Variants in SUPT6H observed in about 807,000 individuals in gnomAD.
The protein encoded by SUPT6H is transcription elongation factor SPT6.
A neutral mutation model predicts 222.3 loss-of-function variants in SUPT6H; 11 were observed. The observed-to-expected ratio is 0.05, with a 90% confidence interval of 0.03 to 0.08. SUPT6H has a LOEUF of 0.08. SUPT6H is among the 10% of genes least tolerant of loss of function. The pLI, the probability that SUPT6H is intolerant of heterozygous loss-of-function variation, is 1.00. For missense variants in SUPT6H, 1,422 were observed against 2,216.0 expected, an observed-to-expected ratio of 0.64 and a Z score of 7.19; for synonymous variants, 762 against 801.2, an observed-to-expected ratio of 0.95 and a Z score of 0.83.
intron 27 of SUPT6H, among the ~76,000 whole-genome samples, chr17:28,693,340 A>C (rs1357989298): frequency 6.6e-6 from 1 of 152,100 alleles, no homozygotes; most frequent in Non-Finnish European, 1.5e-5. Flanking sequence ...GCACGCCTGT[A>C]ATCCCACCTA....
intron 1 of SUPT6H, among the ~76,000 whole-genome samples, chr17:28,663,827 C>CCTTTTTTTTTTTTTTTT (rs1567681347): frequency 1.5e-3 from 13 of 8,410 alleles, no homozygotes; most frequent in East Asian, 5.1e-3. Context: ...CTGCCCACTC[C>CCTTTTTTTTTTTTTTTT]ATTTTTTTTT....
Position 28,673,366 on chromosome 17 carries a change from C to A in SUPT6H, c.-31-5C>A. 2 of 1,531,398 alleles carry A rather than the reference C, an allele frequency of 1.3e-6. No homozygotes were observed. The highest frequency in any genetic ancestry group is 9.0e-7 in the Non-Finnish European group (1 of 1,106,276). 94.9% of individuals were successfully genotyped at this position (1,531,398 alleles called of 1,614,324 possible). A position where few individuals can be genotyped will look rare whatever the true frequency, so the allele number is the denominator to read the frequency against. ...TTTTTATCCTTCACTCTTTTCTTTC[C>A]CTAGTTATCTTCAGGCAGAGTGAGA... is the stretch of plus-strand genomic sequence containing the variant. On this transcript the variant is annotated splice_region_variant and splice_polypyrimidine_tract_variant and intron_variant, in intron 1 of 36. Coordinates refer to ENST00000314616, the MANE Select transcript of SUPT6H (RefSeq NM_003170.5).
At chr17:28,685,004 T>C in intron 19 of SUPT6H, 43 bp downstream of exon 19, 1 of 1,552,984 alleles carries the variant, frequency 6.4e-7, no homozygotes, top group South Asian at 1.1e-5. Flanking sequence ...ATCTGGAGTA[T>C]GTCTTATGAT....
intron 11 of SUPT6H, among the ~76,000 whole-genome samples, chr17:28,680,760 G>A (rs1231741977): frequency 6.6e-6 from 1 of 152,116 alleles, no homozygotes; most frequent in African/African-American, 2.4e-5. Context: ...CATACCATCT[G>A]CCTCAGCCTC....
At chr17:28,701,303 T>C in intron 36 of SUPT6H, 136 bp from the exon 37 acceptor site, 1 of 1,380,642 alleles carries the variant, frequency 7.2e-7, no homozygotes, top group Non-Finnish European at 9.8e-7. Context: ...GGCAGCCAGC[T>C]GCTGCTGTAT....
chr17:28,664,063 A>G (rs1025702946), intron 1 of SUPT6H, among the ~76,000 whole-genome samples: 2 of 151,680 alleles, frequency 1.3e-5, no homozygotes, highest in African/African-American at 2.4e-5. Flanking sequence ...TTGTTCTCAT[A>G]TTCCTCTGTC....
intron 12 of SUPT6H, 84 bp from the exon 13 acceptor site, chr17:28,681,798 C>A: frequency 8.0e-7 from 1 of 1,246,526 alleles, no homozygotes; most frequent in Non-Finnish European, 1.1e-6. Flanking sequence ...GCTGGGTACC[C>A]TTTGAGGCTT....
chr17:28,698,133 C>T, intron 32 of SUPT6H, 103 bp downstream of exon 32: 5 of 1,421,146 alleles, frequency 3.5e-6, no homozygotes, highest in Non-Finnish European at 4.7e-6. Flanking sequence ...GCTGGACTGC[C>T]TTTCTCCTCT....
rs139470748 is a variant in SUPT6H, at chr17:28,686,289, A to G, written c.2488-50A>G. Reference sequence around the variant, plus strand: ...CAACATAGGGAGACAGAATTTCCTGAAATCTTTACATCCTCAGAGCCATTC... The same window carrying G: ...CAACATAGGGAGACAGAATTTCCTGGAATCTTTACATCCTCAGAGCCATTC... On this transcript the variant is annotated intron_variant, in intron 19 of 36. Coordinates refer to ENST00000314616, the MANE Select transcript of SUPT6H (RefSeq NM_003170.5). The G allele has an allele frequency of 3.6e-4, 557 of 1,546,012 alleles. 5 individuals are homozygous for G. The African/African-American group carries it at 5.2e-3, about 14-fold the overall frequency.
At chr17:28,685,429 A>C (rs1464614730) in intron 19 of SUPT6H, among the ~76,000 whole-genome samples, 1 of 151,684 alleles carries the variant, frequency 6.6e-6, no homozygotes, top group Non-Finnish European at 1.5e-5. Flanking sequence ...TCTTGAAAGA[A>C]AAACTTCTTA....
chr17:28,675,137 G>C lies in SUPT6H; in HGVS notation c.513G>C (p.Glu171Asp), dbSNP rs766056036. The change falls in exon 5 of 37, where the codon GAG (glutamate) becomes GAC (aspartate). Residue 171 changes from glutamate to aspartate, a missense_variant. Around this residue, in one of 13 missense-constraint regions of SUPT6H, gnomAD observed 389 missense variants for 544.6 expected, o/e 0.71. Transcript: ENST00000314616. The stretch of plus-strand genomic sequence containing the variant: ...AGGCCCCCATGGCTCCTCCAGAGGA[G>C]GAGGAAGAAGATGATGAGGAGTCAG... Reference protein sequence around the residue: ...AMEAPMAPPEEEEEDDEESDI... With the variant: ...AMEAPMAPPEDEEEDDEESDI... 4 of 1,611,556 alleles carry C rather than the reference G, an allele frequency of 2.5e-6. No homozygotes were observed.
In SUPT6H at chr17:28,678,940, T is replaced by A; in HGVS notation, c.1326T>A (p.Ala442=). The change falls in exon 11 of 37, where the codon GCT becomes GCA. Residue 442 remains alanine, a synonymous_variant. Transcript: ENST00000314616. ...PDKPLADGIR[A]LDTTDMERLK... Reference sequence around the variant, plus strand: ...AACCTCTTGCTGATGGCATCCGGGCTCTGGACACCACTGACATGGAGAGGT... The same window carrying A: ...AACCTCTTGCTGATGGCATCCGGGCACTGGACACCACTGACATGGAGAGGT... 1 of 1,614,228 alleles carries A rather than the reference T, an allele frequency of 6.2e-7. No individual in the cohort carries two copies. The highest frequency in any genetic ancestry group is 8.5e-7 in the Non-Finnish European group (1 of 1,180,044).
rs961879381 is a variant in SUPT6H, at chr17:28,700,836, C to A, written c.4807-105C>A. ...CAGAAGCACATACTCAGTGGAAGATCATCTGGAAAGCTTTGCTGAGCCCAC... is the reference window on the plus strand; with the variant it reads ...CAGAAGCACATACTCAGTGGAAGATAATCTGGAAAGCTTTGCTGAGCCCAC... On this transcript the variant is annotated intron_variant, in intron 35 of 36. Coordinates refer to ENST00000314616, the MANE Select transcript of SUPT6H (RefSeq NM_003170.5). 12 of 1,355,804 alleles carry A rather than the reference C, an allele frequency of 8.9e-6. No individual in the cohort carries two copies. In the African/African-American group the frequency reaches 1.0e-4, roughly 11 times the overall value. The allele number at this position is 1,355,804 out of a possible 1,614,324, so 84.0% of individuals were successfully genotyped here. A position where few individuals can be genotyped will look rare whatever the true frequency, so the allele number is the denominator to read the frequency against.
intron 3 of SUPT6H, 44 bp from the exon 4 acceptor site, chr17:28,674,493 A>C (rs779983721): frequency 3.1e-6 from 5 of 1,613,876 alleles, no homozygotes; most frequent in Admixed American, 1.7e-5. Context: ...GTTGCAGTGG[A>C]AAAGGGCAAC....
chr17:28,693,215 C>CT (rs2031753500), intron 27 of SUPT6H, among the ~76,000 whole-genome samples: 1 of 151,954 alleles, frequency 6.6e-6, no homozygotes, highest in Admixed American at 6.6e-5. Flanking sequence ...AATCCCAGCA[C>CT]TTTGGGAGGC....
intron 27 of SUPT6H, 141 bp from the exon 28 acceptor site, chr17:28,693,555 G>A (rs183416667): frequency 1.0e-6 from 1 of 1,002,150 alleles, no homozygotes; most frequent in African/African-American, 1.6e-5. Flanking sequence ...TGTCTTGGCA[G>A]ATGACTAAGT....
rs756730841 is a variant in SUPT6H at position 28,674,290 on chromosome 17, G to A, written c.117G>A (p.Glu39=). ...KFVEEEDDDE[E]EEEENLDDQD... ...AACATGCATGTCTTCCAGATGAGGA[G>A]GAGGAGGAGGAGAACCTAGATGATC... The change falls in exon 3 of 37, where the codon GAG becomes GAA. Residue 39 remains glutamate, a synonymous_variant. Transcript: ENST00000314616. 5 of 1,613,806 alleles carry A rather than the reference G, an allele frequency of 3.1e-6. No homozygotes were observed. Among genetic ancestry groups the A allele is most frequent in the Non-Finnish European group, 4.2e-6 (5 of 1,179,788 alleles).
At chr17:28,668,070 C>A (rs977454070) in intron 1 of SUPT6H, among the ~76,000 whole-genome samples, 1 of 152,184 alleles carries the variant, frequency 6.6e-6, no homozygotes, top group Non-Finnish European at 1.5e-5. Flanking sequence ...GATCCCAGTT[C>A]CATTCCTCTT....
At chr17:28,696,019 G>T (rs2031890294) in intron 29 of SUPT6H, among the ~76,000 whole-genome samples, 1 of 151,948 alleles carries the variant, frequency 6.6e-6, no homozygotes, top group Admixed American at 6.6e-5. Flanking sequence ...TTTTTAAATA[G>T]CCAGGAGCCA....
Sources: allele counts gnomAD v4.1 joint callset (sites outside exome capture counted in the v4.1 genomes callset), GRCh38; gene constraint gnomAD v4.1.1; regional missense constraint gnomAD v4.1.1; transcripts MANE v1.5; gene names NCBI Gene and HGNC (gene_info 2026-07-23, HGNC 2026-07-21).